Variants in SGCD observed in about 807,000 individuals in gnomAD.
SGCD encodes the protein sarcoglycan delta.
In SGCD, 18 loss-of-function variants were observed where a neutral mutation model predicts 36.6. The observed-to-expected ratio is 0.49, with a 90% CI of 0.34 to 0.73. SGCD has a LOEUF of 0.73. SGCD is among the 30% of genes least tolerant of loss of function. The pLI is 0.01. For synonymous variants in SGCD, 133 were observed against 130.6 expected (o/e 1.02, Z -0.12); for missense variants, 387 against 346.7 (o/e 1.12, Z -0.92).
chr5:155,749,895 G>A, the SGCD span, among the ~76,000 whole-genome samples: 5 of 152,150 alleles, frequency 3.3e-5, no homozygotes, highest in African/African-American at 1.2e-4. Context: ...CAATCTGCAA[G>A]ACTCATAGCT....
In SGCD at chr5:156,283,987, G is replaced by T. The variant is rs549172312; in HGVS notation, c.-43-45547G>T. Among the ~76,000 whole-genome samples, 5 of 152,248 alleles carry T rather than the reference G, an allele frequency of 3.3e-5. No homozygotes were observed. The South Asian group carries it at 1.0e-3, about 32-fold the overall frequency. ...TTTCTTGAATTGTTAATTTGTGTAT[G>T]TACATGGGTAACTTCTTAGGGATTT... On this transcript the variant is annotated intron_variant, in intron 3 of 9. Coordinates refer to the SGCD transcript ENST00000517913.
At chr5:156,007,602 A>C (rs528570628) in intron 1 of SGCD, among the ~76,000 whole-genome samples, 72 of 152,258 alleles carry the variant, frequency 4.7e-4, no homozygotes, top group Non-Finnish European at 6.8e-4. Flanking sequence ...AAAGGGGAGG[A>C]GCTCAATCAT....
chr5:155,844,200 A>G, the SGCD span, among the ~76,000 whole-genome samples: 3 of 152,090 alleles, frequency 2.0e-5, no homozygotes, highest in African/African-American at 7.2e-5. Flanking sequence ...TTCTCTGCAC[A>G]GAGACACACC....
chr5:156,650,782 G>T (rs1020144983), intron 7 of SGCD, among the ~76,000 whole-genome samples: 11 of 151,998 alleles, frequency 7.2e-5, no homozygotes, highest in African/African-American at 2.7e-4. Flanking sequence ...GTTGTATATT[G>T]CAATGAATAT....
At chr5:156,198,703 T>C (rs75042609) in intron 3 of SGCD, among the ~76,000 whole-genome samples, 2,315 of 152,254 alleles carry the variant, frequency 0.015, 25 homozygotes, top group Non-Finnish European at 0.026. Context: ...TGGATTGATA[T>C]GGACAGTGCC....
chr5:155,876,776 A>G (rs1755777051), intron 1 of SGCD, among the ~76,000 whole-genome samples: 1 of 152,116 alleles, frequency 6.6e-6, no homozygotes, highest in South Asian at 2.1e-4. Context: ...AGAAACTATG[A>G]AAAATATTTT....
chr5:156,212,609 G>A (rs1344302054), intron 3 of SGCD, among the ~76,000 whole-genome samples: 3 of 151,912 alleles, frequency 2.0e-5, no homozygotes, highest in Admixed American at 6.6e-5. Flanking sequence ...AAGTCAACAA[G>A]GAAACATCAG....
chr5:155,749,603 C>T, the SGCD span, among the ~76,000 whole-genome samples: 5 of 152,186 alleles, frequency 3.3e-5, no homozygotes, highest in East Asian at 9.6e-4. Flanking sequence ...TTGTAGTTTT[C>T]GATTAAAATG....
At chr5:156,060,597 T>C (rs922585183) in intron 1 of SGCD, among the ~76,000 whole-genome samples, 1 of 145,760 alleles carries the variant, frequency 6.9e-6, no homozygotes, top group Non-Finnish European at 1.5e-5. Flanking sequence ...AAGAAATTTA[T>C]GTACCTTCAT....
intron 6 of SGCD, among the ~76,000 whole-genome samples, chr5:156,619,985 G>A (rs1379219934): frequency 6.6e-6 from 1 of 152,198 alleles, no homozygotes; most frequent in African/African-American, 2.4e-5. Flanking sequence ...GAGAGACAGA[G>A]GAGAAAATAT....
intron 6 of SGCD, among the ~76,000 whole-genome samples, chr5:156,624,883 A>G (rs948641144): frequency 2.0e-5 from 3 of 152,198 alleles, no homozygotes; most frequent in Non-Finnish European, 4.4e-5. Context: ...ACAAGAGCTG[A>G]CACATCCTAG....
chr5:155,916,120 G>T (rs1756729630), intron 1 of SGCD, among the ~76,000 whole-genome samples: 1 of 152,174 alleles, frequency 6.6e-6, no homozygotes, highest in African/African-American at 2.4e-5. Flanking sequence ...TGCACACATA[G>T]ACCCACAGTA....
chr5:156,597,672 GT>G (rs1451484571), intron 6 of SGCD, among the ~76,000 whole-genome samples: 1 of 152,192 alleles, frequency 6.6e-6, no homozygotes, highest in African/African-American at 2.4e-5. Context: ...TGGAGTCTTA[GT>G]ATAGTTTGAT....
At chr5:156,221,557 A>AT (rs1172827585) in intron 3 of SGCD, among the ~76,000 whole-genome samples, 1 of 151,786 alleles carries the variant, frequency 6.6e-6, no homozygotes, top group Non-Finnish European at 1.5e-5. Flanking sequence ...ATCTAATGAG[A>AT]TTTAAAAAAA....
At chr5:155,738,703 AGT>A in the SGCD span, among the ~76,000 whole-genome samples, 12 of 148,750 alleles carry the variant, frequency 8.1e-5, no homozygotes, top group African/African-American at 1.0e-4. Flanking sequence ...TGTATATGAG[AGT>A]GTGTGAGTGT....
chr5:156,289,539 T>C (rs766691817), intron 3 of SGCD, among the ~76,000 whole-genome samples: 1 of 152,090 alleles, frequency 6.6e-6, no homozygotes, highest in Non-Finnish European at 1.5e-5. Flanking sequence ...TTCCCACTTA[T>C]AAGTGAGAAC....
chr5:156,556,875 G>C (rs1046600553), intron 4 of SGCD, among the ~76,000 whole-genome samples: 23 of 152,130 alleles, frequency 1.5e-4, no homozygotes, highest in African/African-American at 5.3e-4. Context: ...ATGCTCCAGA[G>C]AGTGACATTT....
At chr5:156,657,342 C>A (rs1223589898) in intron 7 of SGCD, among the ~76,000 whole-genome samples, 1 of 151,382 alleles carries the variant, frequency 6.6e-6, no homozygotes, top group Non-Finnish European at 1.5e-5. Context: ...GTGTGCTGCA[C>A]CCATTAACTG....
intron 7 of SGCD, among the ~76,000 whole-genome samples, chr5:156,725,141 T>G (rs1018560403): frequency 7.9e-5 from 12 of 152,166 alleles, no homozygotes; most frequent in African/African-American, 2.9e-4. Context: ...TGAGTTTGGG[T>G]GTCTAAGATG....
Sources: gnomAD v4.1 joint callset for allele counts (sites outside exome capture counted in the v4.1 genomes callset) on GRCh38, gnomAD v4.1.1 for gene constraint, MANE v1.5 for transcripts, NCBI Gene and HGNC (gene_info 2026-07-23, HGNC 2026-07-21) for gene names.